The following PRSS23 variants were observed in gnomAD, a reference collection of about 807,000 sequenced individuals.
The protein encoded by PRSS23 is serine protease 23, also known as protease, serine 23.
PRSS23 carries 25 observed loss-of-function variants against 34.7 expected under a neutral mutation model. That is an observed-to-expected ratio of 0.72 (90% confidence interval 0.53 to 1.01). The LOEUF is 1.01. PRSS23 is among the 50% of genes least tolerant of loss of function. The pLI, the probability that PRSS23 is intolerant of heterozygous loss-of-function variation, is 0.00. For missense variants in PRSS23, 445 were observed against 475.6 expected (o/e 0.94, Z 0.60); for synonymous variants, 176 against 186.6 (o/e 0.94, Z 0.46).
At chr11:86,847,275 G>A (rs527442241) in intron 2 of PRSS23, among the ~76,000 whole-genome samples, 49 of 152,294 alleles carry the variant, frequency 3.2e-4, no homozygotes, top group Admixed American at 2.0e-4. Flanking sequence ...GGCCAGGACC[G>A]CATAAAGTGG....
intron 2 of PRSS23, among the ~76,000 whole-genome samples, chr11:86,914,279 A>G (rs932667378): frequency 2.0e-5 from 3 of 152,178 alleles, no homozygotes; most frequent in African/African-American, 7.2e-5. Context: ...GTTACTGATT[A>G]ATAACATTGA....
intron 2 of PRSS23, among the ~76,000 whole-genome samples, chr11:86,940,587 C>G (rs1388368210): frequency 1.3e-5 from 2 of 152,156 alleles, no homozygotes; most frequent in Non-Finnish European, 2.9e-5. Context: ...GGGACATGAA[C>G]CTTCCTTGCT....
At chr11:86,879,334 A>C (rs1590909372) in intron 2 of PRSS23, among the ~76,000 whole-genome samples, 1 of 127,730 alleles carries the variant, frequency 7.8e-6, no homozygotes, top group East Asian at 2.5e-4. Flanking sequence ...AAGTGAGGAG[A>C]CCCTCTGCCT....
At position 86,877,801 on chromosome 11, in the gene PRSS23, T is replaced by C. The variant is rs1158936595; in HGVS notation, c.206+54208T>C. Among the ~76,000 whole-genome samples the C allele has an allele frequency of 2.6e-5, 4 of 151,526 alleles. No homozygotes were observed. The East Asian group carries it at 7.8e-4, about 29-fold the overall frequency. On this transcript the variant is annotated intron_variant, in intron 2 of 2. Transcript: ENST00000533902. ...TGTTTGTTTTCAAAACTCTTTTGGC[T>C]ATTCAGGGTCCCTTGCAATTCCATA...
upstream of PRSS23, among the ~76,000 whole-genome samples, chr11:86,797,155 T>C (rs566098393): frequency 1.3e-5 from 2 of 152,358 alleles, no homozygotes; most frequent in African/African-American, 4.8e-5. Context: ...ATATAAAAAG[T>C]ATTCGGGAAT....
At chr11:86,891,878 G>A (rs923403006) in intron 2 of PRSS23, among the ~76,000 whole-genome samples, 2 of 152,068 alleles carry the variant, frequency 1.3e-5, no homozygotes, top group African/African-American at 4.8e-5. Context: ...TGTGAATAAG[G>A]TGCGCTTCCC....
chr11:86,837,909 T>C (rs1948418959), intron 2 of PRSS23, among the ~76,000 whole-genome samples: 1 of 152,152 alleles, frequency 6.6e-6, no homozygotes, highest in Non-Finnish European at 1.5e-5. Context: ...CTGAGGTACC[T>C]GGTTCTTCTC....
intron 2 of PRSS23, among the ~76,000 whole-genome samples, chr11:86,852,759 C>T (rs889321836): frequency 5.3e-5 from 8 of 151,966 alleles, no homozygotes; most frequent in Middle Eastern, 3.2e-3. Flanking sequence ...TCCTCTCTCT[C>T]GCCCACCCCT....
At position 86,877,392 on chromosome 11, in the gene PRSS23, C is replaced by T. The variant is rs915019439; in HGVS notation, c.206+53799C>T. Among the ~76,000 whole-genome samples, 7 of 152,312 alleles carry T rather than the reference C, an allele frequency of 4.6e-5. No homozygotes were observed. In the East Asian group the frequency reaches 5.8e-4, roughly 13 times the overall value. On this transcript the variant is annotated intron_variant, in intron 2 of 2. Coordinates refer to the PRSS23 transcript ENST00000533902. ...TTCCCGTTCTTCTGATCCCCTTCTC[C>T]GTACATGTCTCAAAAGCTCTTATTC...
At chr11:86,846,704 C>T (rs1337481109) in intron 2 of PRSS23, among the ~76,000 whole-genome samples, 1 of 152,194 alleles carries the variant, frequency 6.6e-6, no homozygotes, top group Non-Finnish European at 1.5e-5. Context: ...ATCTTGTAAG[C>T]AAGGTTATTC....
intron 1 of PRSS23, among the ~76,000 whole-genome samples, chr11:86,818,609 TC>T (rs1197746516): frequency 2.0e-5 from 3 of 152,226 alleles, no homozygotes; most frequent in African/African-American, 4.8e-5. Context: ...AAAAAATCTT[TC>T]CCCGAGGCAT....
chr11:86,835,745 C>G (rs1252102525), intron 2 of PRSS23, among the ~76,000 whole-genome samples: 1 of 152,150 alleles, frequency 6.6e-6, no homozygotes, highest in Non-Finnish European at 1.5e-5. Flanking sequence ...AAGTACGTAA[C>G]CTCCTGTGAG....
chr11:86,841,644 A>G (rs1185030941), intron 2 of PRSS23, among the ~76,000 whole-genome samples: 1 of 152,234 alleles, frequency 6.6e-6, no homozygotes, highest in Non-Finnish European at 1.5e-5. Context: ...CCATCAGAAT[A>G]CTATAAACAC....
At chr11:86,845,494 G>C (rs191229261) in intron 2 of PRSS23, among the ~76,000 whole-genome samples, 4 of 152,272 alleles carry the variant, frequency 2.6e-5, no homozygotes, top group African/African-American at 9.6e-5. Flanking sequence ...GCTCACTTCT[G>C]TTGGATCAAC....
chr11:86,892,776 T>C (rs1287142502), intron 2 of PRSS23, among the ~76,000 whole-genome samples: 1 of 152,170 alleles, frequency 6.6e-6, no homozygotes, highest in Non-Finnish European at 1.5e-5. Flanking sequence ...CTTTGTTAAA[T>C]GCTTCCTGGA....
chr11:86,842,964 A>G (rs1948459567), intron 2 of PRSS23, among the ~76,000 whole-genome samples: 1 of 152,184 alleles, frequency 6.6e-6, no homozygotes, highest in Non-Finnish European at 1.5e-5. Context: ...CATAGCCAAG[A>G]CAATCCTAAG....
At chr11:86,906,367 C>G (rs1948942760) in intron 2 of PRSS23, among the ~76,000 whole-genome samples, 1 of 100,236 alleles carries the variant, frequency 1.0e-5, no homozygotes, top group African/African-American at 3.1e-5. Flanking sequence ...CTCAGCTCTT[C>G]GCCCAGGATC....
intron 2 of PRSS23, among the ~76,000 whole-genome samples, chr11:86,825,590 C>T (rs2134880225): frequency 6.6e-6 from 1 of 150,598 alleles, no homozygotes; most frequent in South Asian, 2.1e-4. Flanking sequence ...CCTAGGTTTT[C>T]TTCTAGGGTT....
At chr11:86,793,340 G>C (rs1947963078) in intron 1 of PRSS23, among the ~76,000 whole-genome samples, 1 of 152,194 alleles carries the variant, frequency 6.6e-6, no homozygotes, top group African/African-American at 2.4e-5. Context: ...TTGTCCAATA[G>C]CATTCTTTAA....
Sources: gnomAD v4.1 joint callset for allele counts (sites outside exome capture counted in the v4.1 genomes callset) on GRCh38, gnomAD v4.1.1 for gene constraint, MANE v1.5 for transcripts, NCBI Gene and HGNC (gene_info 2026-07-23, HGNC 2026-07-21) for gene names.